The following SORBS2 variants were observed in gnomAD, a reference collection of about 807,000 sequenced individuals.
SORBS2 encodes sorbin and SH3 domain containing 2, also known as sorbin and SH3 domain-containing protein 2.
Under a neutral mutation model 97.7 loss-of-function variants are expected in SORBS2, and 46 were observed. The observed-to-expected ratio is 0.47, with a 90% CI of 0.37 to 0.60. The LOEUF (loss-of-function observed/expected upper bound fraction) is 0.60. Among genes scored for constraint, SORBS2 ranks in the 20% least tolerant of loss-of-function variants. The pLI is 0.00. For missense variants in SORBS2, 1,316 were observed against 1,282.3 expected (o/e 1.03, Z -0.40); for synonymous variants, 476 against 473.4 (o/e 1.01, Z -0.07).
chr4:185,667,340 A>C (rs2097626351), intron 4 of SORBS2, among the ~76,000 whole-genome samples: 1 of 152,214 alleles, frequency 6.6e-6, no homozygotes, highest in Non-Finnish European at 1.5e-5. Context: ...AATTTTCATA[A>C]TGACTGATGT....
At chr4:185,890,015 T>C (rs1199280363) in intron 1 of SORBS2, among the ~76,000 whole-genome samples, 1 of 152,186 alleles carries the variant, frequency 6.6e-6, no homozygotes, top group Non-Finnish European at 1.5e-5. Flanking sequence ...GCCTCCCAAG[T>C]AGCTGGGATT....
intron 2 of SORBS2, among the ~76,000 whole-genome samples, chr4:185,712,579 A>C (rs1405853054): frequency 6.6e-6 from 1 of 152,210 alleles, no homozygotes; most frequent in Non-Finnish European, 1.5e-5. Flanking sequence ...CTAAGCTGTT[A>C]ACACTTAAGC....
chr4:185,660,781 C>T (rs1462880446), upstream of SORBS2, among the ~76,000 whole-genome samples: 1 of 152,150 alleles, frequency 6.6e-6, no homozygotes, highest in East Asian at 1.9e-4. Flanking sequence ...GCCCCTGTGG[C>T]CAGAGGACCA....
chr4:185,671,989 C>T (rs141157529), intron 4 of SORBS2, among the ~76,000 whole-genome samples: 24 of 152,310 alleles, frequency 1.6e-4, no homozygotes, highest in Non-Finnish European at 2.2e-4. Flanking sequence ...CATATGCATG[C>T]GCATGCACAG....
intron 1 of SORBS2, among the ~76,000 whole-genome samples, chr4:185,935,008 T>C (rs1025604550): frequency 6.6e-6 from 1 of 152,150 alleles, no homozygotes; most frequent in Admixed American, 6.5e-5. Context: ...GATAGTACCT[T>C]CTATGTATGA....
chr4:185,618,350 T>C (rs1180630820), intron 9 of SORBS2, among the ~76,000 whole-genome samples: 1 of 152,244 alleles, frequency 6.6e-6, no homozygotes, highest in Non-Finnish European at 1.5e-5. Context: ...GTTTTTCCTA[T>C]CCTTTAGAAT....
intron 1 of SORBS2, among the ~76,000 whole-genome samples, chr4:185,877,867 C>CAAAAAAAAAAAAAAAA (rs1491116547): frequency 1.2e-4 from 6 of 50,426 alleles, no homozygotes; most frequent in African/African-American, 3.0e-4. Flanking sequence ...GAGACTCTGT[C>CAAAAAAAAAAAAAAAA]AAAAAACAAA....
chr4:185,668,970 C>T (rs138340673), intron 4 of SORBS2, among the ~76,000 whole-genome samples: 43 of 152,344 alleles, frequency 2.8e-4, no homozygotes, highest in African/African-American at 5.5e-4. Flanking sequence ...AGGACAGGGA[C>T]GGTGCTTAAA....
At chr4:185,594,119 T>G (rs2096026511) in intron 12 of SORBS2, 184 bp from the exon 25 acceptor site, 2 of 566,186 alleles carry the variant, frequency 3.5e-6, no homozygotes, top group Non-Finnish European at 6.2e-6. Flanking sequence ...AAAGGGAGCT[T>G]TAAATTAAAG....
intron 3 of SORBS2, among the ~76,000 whole-genome samples, chr4:185,647,177 G>A (rs927198390): frequency 5.9e-5 from 9 of 152,162 alleles, no homozygotes; most frequent in African/African-American, 2.2e-4. Context: ...CTTGGGAAGA[G>A]CACAGAAGTG....
At chr4:185,638,880 G>T (rs2097076293) in intron 4 of SORBS2, 1 of 1,473,042 alleles carries the variant, frequency 6.8e-7, no homozygotes, top group Admixed American at 2.9e-5. Context: ...AGCTCACCCG[G>T]GTGGGAGACA....
intron 1 of SORBS2, among the ~76,000 whole-genome samples, chr4:185,930,796 A>C (rs1369249359): frequency 1.3e-5 from 2 of 152,252 alleles, no homozygotes; most frequent in African/African-American, 4.8e-5. Flanking sequence ...TAAAATAAAA[A>C]GAAGCAGAAT....
chr4:185,626,517 G>A (rs1297649239), intron 6 of SORBS2, among the ~76,000 whole-genome samples: 2 of 152,102 alleles, frequency 1.3e-5, no homozygotes, highest in East Asian at 1.9e-4. Context: ...TTGACTATAT[G>A]TCAATGTTTA....
At chr4:185,673,800 C>T (rs2097756048) in intron 4 of SORBS2, among the ~76,000 whole-genome samples, 1 of 152,210 alleles carries the variant, frequency 6.6e-6, no homozygotes, top group African/African-American at 2.4e-5. Flanking sequence ...CCTCCTTCCC[C>T]ACTATGGAAT....
intron 2 of SORBS2, among the ~76,000 whole-genome samples, chr4:185,680,637 T>C (rs963297684): frequency 4.6e-5 from 7 of 152,194 alleles, no homozygotes; most frequent in African/African-American, 1.7e-4. Context: ...AGGGAGTTTC[T>C]TTTATGCTTG....
intron 1 of SORBS2, among the ~76,000 whole-genome samples, chr4:185,858,354 G>A (rs1038942954): frequency 1.8e-4 from 28 of 152,156 alleles, no homozygotes; most frequent in African/African-American, 6.8e-4. Flanking sequence ...CCAGAACTGT[G>A]AGCTAAATAA....
intron 1 of SORBS2, among the ~76,000 whole-genome samples, chr4:185,806,047 GAAGTATA>G (rs1241419678): frequency 6.6e-6 from 1 of 152,236 alleles, no homozygotes; most frequent in East Asian, 1.9e-4. Context: ...CAACCTGTAT[GAAGTATA>G]AATATCTGGT....
chr4:185,736,704 C>T (rs568836019), intron 2 of SORBS2, among the ~76,000 whole-genome samples: 31 of 152,268 alleles, frequency 2.0e-4, no homozygotes, highest in African/African-American at 7.5e-4. Flanking sequence ...GAACACAACC[C>T]ACCCGATGAC....
At chr4:185,743,854 A>T (rs1271137850) in intron 2 of SORBS2, among the ~76,000 whole-genome samples, 2 of 100,534 alleles carry the variant, frequency 2.0e-5, no homozygotes, top group Admixed American at 1.1e-4. Context: ...TCCTCCTTCT[A>T]TTTTCTTTCC....
Sources: allele counts gnomAD v4.1 joint callset (sites outside exome capture counted in the v4.1 genomes callset), GRCh38; gene constraint gnomAD v4.1.1; transcripts MANE v1.5; gene names NCBI Gene and HGNC (gene_info 2026-07-23, HGNC 2026-07-21).